The following GRIP2 variants were observed in gnomAD, a reference collection of about 807,000 sequenced individuals.
GRIP2 encodes the protein glutamate receptor interacting protein 2, also known as glutamate receptor-interacting protein 2.
GRIP2 carries 58 observed loss-of-function variants against 108.3 expected under a neutral mutation model. The ratio of observed to expected loss-of-function variants is 0.54; its 90% CI spans 0.43 to 0.67. The LOEUF is 0.67. GRIP2 is among the 30% of genes least tolerant of loss of function. The pLI is 0.00. For missense variants in GRIP2, 1,278 were observed against 1,430.6 expected (o/e 0.89, Z 1.72); for synonymous variants, 586 against 598.2 (o/e 0.98, Z 0.30).
At chr3:14,557,271 C>T (rs1027962762), upstream of GRIP2, among the ~76,000 whole-genome samples, 7 of 152,242 alleles carry the variant, frequency 4.6e-5, no homozygotes, top group Middle Eastern at 3.2e-3. Flanking sequence ...AATTACACAG[C>T]GAGGAAGTGA....
chr3:14,570,851 A>G, the GRIP2 span, among the ~76,000 whole-genome samples: 1 of 152,334 alleles, frequency 6.6e-6, no homozygotes, highest in Admixed American at 6.5e-5. Flanking sequence ...CTGTAAGGTA[A>G]AAGTTCTGCT....
At chr3:14,579,368 C>T in the GRIP2 span, among the ~76,000 whole-genome samples, 1 of 152,156 alleles carries the variant, frequency 6.6e-6, no homozygotes, top group African/African-American at 2.4e-5. Flanking sequence ...AAACTGTACA[C>T]TAAAAATGAG....
At chr3:14,585,686 C>T in the GRIP2 span, among the ~76,000 whole-genome samples, 1 of 151,644 alleles carries the variant, frequency 6.6e-6, no homozygotes, top group Non-Finnish European at 1.5e-5. Flanking sequence ...CCCCAGCTTC[C>T]TTCAGGAGGA....
intron 9 of GRIP2, among the ~76,000 whole-genome samples, chr3:14,518,779 C>A (rs1376423370): frequency 6.6e-6 from 1 of 152,228 alleles, no homozygotes; most frequent in African/African-American, 2.4e-5. Context: ...CCAGCTCTGT[C>A]CCTGACCAAC....
chr3:14,584,171 C>T, the GRIP2 span, among the ~76,000 whole-genome samples: 2 of 152,220 alleles, frequency 1.3e-5, no homozygotes. Flanking sequence ...CTAGGGACTT[C>T]TGTGACAAGC....
At position 14,523,515 on chromosome 3, in the gene GRIP2, A is replaced by G. The variant is rs1694469813; in HGVS notation, c.490+97T>C. 3 of 810,586 alleles carry G rather than the reference A, an allele frequency of 3.7e-6. No individual in the cohort carries two copies. The East Asian group carries it at 8.0e-5, about 22-fold the overall frequency. The allele number at this position is 810,586 out of a possible 1,614,324, so 50.2% of individuals were successfully genotyped here. A position where few individuals can be genotyped will look rare whatever the true frequency, so the allele number is the denominator to read the frequency against. On this transcript the variant is annotated intron_variant, in intron 5 of 23. Coordinates refer to ENST00000621039, the MANE Select transcript of GRIP2 (RefSeq NM_001080423.4). ...TGTTCTTCAAAGTCAGAACTGAGATACACATAAATTACATTCAAATCCAAA... is the reference window on the plus strand; with the variant it reads ...TGTTCTTCAAAGTCAGAACTGAGATGCACATAAATTACATTCAAATCCAAA...
the GRIP2 span, among the ~76,000 whole-genome samples, chr3:14,583,228 A>T: frequency 6.6e-6 from 1 of 151,918 alleles, no homozygotes; most frequent in Non-Finnish European, 1.5e-5. Context: ...GCAGCAGGAG[A>T]GACTGACTGT....
the GRIP2 span, among the ~76,000 whole-genome samples, chr3:14,592,877 G>A: frequency 1.3e-5 from 2 of 152,104 alleles, no homozygotes; most frequent in African/African-American, 4.8e-5. Context: ...GCTGCTGTCT[G>A]ACTAGCATCC....
In GRIP2 at chr3:14,520,416, G is replaced by A. The variant is rs778767537; in HGVS notation, c.834C>T (p.Arg278=). 4.3e-6 allele frequency: 7 copies of A among 1,612,904 alleles called. No homozygotes were observed. In the African/African-American group the frequency reaches 6.7e-5, roughly 15 times the overall value. Residue 278 remains arginine (R), a synonymous_variant, in exon 8 of 24, where the codon CGC becomes CGT. Transcript: ENST00000621039. ...LRNKSVITID[R]IKPASVVDRS... is the part of the protein sequence containing the mutation. ...TGTCCACCACGCTGGCTGGCTTGAT[G>A]CGGTCGATGGTAATGACTGACTTGT...
chr3:14,511,077 G>A lies in GRIP2; in HGVS notation c.1933+88C>T, dbSNP rs751012250. 47 of 1,491,624 alleles carry A rather than the reference G, an allele frequency of 3.2e-5. No homozygotes were observed. Among genetic ancestry groups the A allele is most frequent in the African/African-American group, 4.1e-5 (3 of 72,298 alleles). 92.4% of individuals were successfully genotyped at this position (1,491,624 alleles called of 1,614,324 possible). ...CAGCGCCCACCACCCTCCCTTCCTC[G>A]GCTGGAGGGAGCCCTGAATTGCAAG... On this transcript the variant is annotated intron_variant, in intron 16 of 23. Transcript: ENST00000621039. The surrounding 1 kb of genome is among the most constrained non-coding windows in gnomAD (Gnocchi z 4.1).
intron 7 of GRIP2, 38 bp from the exon 8 acceptor site, chr3:14,520,575 C>T (rs753021920): frequency 1.2e-6 from 2 of 1,610,568 alleles, no homozygotes; most frequent in South Asian, 2.2e-5. Context: ...AATGCAAATA[C>T]CGAGCACTTT....
intron 1 of GRIP2, among the ~76,000 whole-genome samples, chr3:14,550,414 C>A (rs1350804145): frequency 6.6e-6 from 1 of 152,024 alleles, no homozygotes; most frequent in Non-Finnish European, 1.5e-5. Context: ...CAACTCACTG[C>A]TGGCCATCCC....
At chr3:14,594,285 G>A in the GRIP2 span, among the ~76,000 whole-genome samples, 4 of 152,180 alleles carry the variant, frequency 2.6e-5, no homozygotes, top group Admixed American at 2.6e-4. Flanking sequence ...AGTCTGTGCT[G>A]GGAGCTAAGG....
rs549192518 is a variant in GRIP2, at chr3:14,521,712, G to A, written c.642C>T (p.Thr214=). ...GIPLHGASHA[T]ALATLRQCSH... is the part of the protein sequence containing the mutation. Reference sequence around the variant, plus strand: ...TGCACTGCCGCAGGGTGGCCAGGGCGGTGGCATGGCTGGCCCCGTGCAGCG... The same window carrying A: ...TGCACTGCCGCAGGGTGGCCAGGGCAGTGGCATGGCTGGCCCCGTGCAGCG... The change falls in exon 7 of 24, where the codon ACC becomes ACT. Residue 214 remains threonine (T), a synonymous_variant. Coordinates refer to ENST00000621039, the MANE Select transcript of GRIP2 (RefSeq NM_001080423.4). This position sits in a 1 kb window ranked among gnomAD's most constrained non-coding sequence, Gnocchi z 5.1. The A allele has an allele frequency of 6.2e-6, 10 of 1,611,152 alleles. No individual in the cohort carries two copies. The East Asian group carries it at 1.1e-4, about 18-fold the overall frequency.
intron 16 of GRIP2, among the ~76,000 whole-genome samples, chr3:14,510,258 G>GTTTTT (rs148444184): frequency 1.1e-5 from 1 of 92,288 alleles, no homozygotes; most frequent in African/African-American, 5.1e-5. Flanking sequence ...ATCATCCGTT[G>GTTTTT]TTTTTTTTTT....
At chr3:14,593,436 G>T in the GRIP2 span, among the ~76,000 whole-genome samples, 1 of 152,128 alleles carries the variant, frequency 6.6e-6, no homozygotes. Flanking sequence ...GACAACTTAC[G>T]ACCATTTGCT....
chr3:14,563,258 G>A, the GRIP2 span, among the ~76,000 whole-genome samples: 5 of 152,108 alleles, frequency 3.3e-5, no homozygotes, highest in Non-Finnish European at 4.4e-5. Context: ...GTCTTTATCT[G>A]TGGAGATACA....
chr3:14,559,001 G>A (rs1695279535), upstream of GRIP2, among the ~76,000 whole-genome samples: 1 of 152,208 alleles, frequency 6.6e-6, no homozygotes, highest in African/African-American at 2.4e-5. Context: ...CACTGACTTG[G>A]AGGGGGCAAA....
chr3:14,585,423 A>G, the GRIP2 span, among the ~76,000 whole-genome samples: 1 of 152,278 alleles, frequency 6.6e-6, no homozygotes, highest in Non-Finnish European at 1.5e-5. Flanking sequence ...CACAGCCTCC[A>G]TATAGCTCTG....
Sources: gnomAD v4.1 joint callset for allele counts (sites outside exome capture counted in the v4.1 genomes callset) on GRCh38, gnomAD v4.1.1 for gene constraint, Gnocchi (gnomAD v3.1) non-coding constraint, MANE v1.5 for transcripts, NCBI Gene and HGNC (gene_info 2026-07-23, HGNC 2026-07-21) for gene names.